Variants in BCAS3 observed in about 807,000 individuals in gnomAD.
BCAS3 encodes BCAS4/BCAS3 fusion.
BCAS3 carries 53 observed loss-of-function variants against 116.1 expected under a neutral mutation model. The observed-to-expected ratio is 0.46, with a 90% CI of 0.37 to 0.57. BCAS3 has a LOEUF of 0.57. BCAS3 is among the 20% of genes least tolerant of loss of function. BCAS3 has a pLI of 0.00. For missense variants in BCAS3, 917 were observed against 1,165.4 expected, an observed-to-expected ratio of 0.79 and a Z score of 3.10; for synonymous variants, 391 against 408.2, an observed-to-expected ratio of 0.96 and a Z score of 0.51.
chr17:61,329,076 A>G (rs1451621989), intron 22 of BCAS3, among the ~76,000 whole-genome samples: 1 of 148,704 alleles, frequency 6.7e-6, no homozygotes, highest in African/African-American at 2.5e-5. Flanking sequence ...TTGTATTTTT[A>G]GTAGAGATGG....
At chr17:61,011,950 A>C (rs2065139649) in intron 15 of BCAS3, among the ~76,000 whole-genome samples, 1 of 151,956 alleles carries the variant, frequency 6.6e-6, no homozygotes, top group African/African-American at 2.4e-5. Context: ...CTAACTTCTG[A>C]TGTTATTTAT....
Position 61,161,995 on chromosome 17 carries a change from A to G in BCAS3, c.2425+77431A>G, listed in dbSNP as rs1036215921. On this transcript the variant is annotated intron_variant, in intron 22 of 23. Transcript: ENST00000407086. This position sits in a 1 kb window ranked among gnomAD's most constrained non-coding sequence, Gnocchi z 4.8. ...GATTCCTTCTACTAAGAGATCCTAA[A>G]TTCGTGTTTAATAGCCAGCTAAATG... Among the ~76,000 whole-genome samples the G allele has an allele frequency of 9.9e-5, 15 of 152,172 alleles. No homozygotes were observed. The highest frequency in any genetic ancestry group is 1.6e-4 in the Non-Finnish European group (11 of 68,022).
intron 5 of BCAS3, among the ~76,000 whole-genome samples, chr17:60,731,234 GAC>G (rs907345590): frequency 4.6e-5 from 7 of 152,062 alleles, no homozygotes; most frequent in African/African-American, 1.4e-4. Context: ...TATTTATTGA[GAC>G]AAAGTCTTGC....
intron 22 of BCAS3, among the ~76,000 whole-genome samples, chr17:61,183,408 A>T (rs1323768700): frequency 6.6e-6 from 1 of 151,930 alleles, no homozygotes; most frequent in Non-Finnish European, 1.5e-5. Context: ...TTATTTAATT[A>T]TATTCAATGT....
chr17:60,868,830 T>G, intron 8 of BCAS3, 147 bp downstream of exon 8: 1 of 493,168 alleles, frequency 2.0e-6, no homozygotes, highest in South Asian at 3.6e-5. Flanking sequence ...GTGGAATAAC[T>G]CTAAGATTTC....
intron 13 of BCAS3, among the ~76,000 whole-genome samples, chr17:60,944,409 C>A (rs1169005735): frequency 6.6e-6 from 1 of 151,918 alleles, no homozygotes; most frequent in Non-Finnish European, 1.5e-5. Context: ...CAAAAATAGG[C>A]CCAAATATTT....
intron 7 of BCAS3, among the ~76,000 whole-genome samples, chr17:60,831,868 T>C (rs1323526490): frequency 6.6e-6 from 1 of 152,190 alleles, no homozygotes; most frequent in Non-Finnish European, 1.5e-5. Context: ...TAAAGTAATG[T>C]CATTTTTAAT....
intron 2 of BCAS3, among the ~76,000 whole-genome samples, chr17:60,681,958 A>G (rs1003854797): frequency 6.6e-6 from 1 of 151,542 alleles, no homozygotes; most frequent in Non-Finnish European, 1.5e-5. Context: ...TCAAACTCCC[A>G]ACCTCAGGTG....
At chr17:60,786,428 A>G (rs1489032812) in intron 6 of BCAS3, among the ~76,000 whole-genome samples, 2 of 151,996 alleles carry the variant, frequency 1.3e-5, no homozygotes, top group African/African-American at 2.4e-5. Context: ...AGGCTAAGGT[A>G]GGAGGATCGC....
chr17:60,917,250 T>C (rs1271326508), intron 12 of BCAS3, among the ~76,000 whole-genome samples: 1 of 152,210 alleles, frequency 6.6e-6, no homozygotes, highest in African/African-American at 2.4e-5. Context: ...ACAGGCACTA[T>C]CCCTTTCCAA....
intron 7 of BCAS3, among the ~76,000 whole-genome samples, chr17:60,831,033 G>A (rs576055458): frequency 6.6e-6 from 1 of 151,822 alleles, no homozygotes; most frequent in African/African-American, 2.4e-5. Context: ...CACCAGACTC[G>A]GCTAGACGGG....
In BCAS3 at chr17:61,376,836, T is replaced by C. The variant is rs2059362658; in HGVS notation, c.2593+8342T>C. 6.6e-6 allele frequency among the ~76,000 whole-genome samples: 1 copy of C among 152,202 alleles called. No individual in the cohort carries two copies. The highest frequency in any genetic ancestry group is 1.5e-5 in the Non-Finnish European group (1 of 68,030). On this transcript the variant is annotated intron_variant, in intron 23 of 23. Coordinates refer to ENST00000407086, the MANE Select transcript of BCAS3 (RefSeq NM_017679.5). This position sits in a 1 kb window ranked among gnomAD's most constrained non-coding sequence, Gnocchi z 4.5. ...AATTGGGCCCTGGAGTTTTCCTCCT[T>C]CTACAGCATCTACAAAAGTTCTCTC...
At position 61,315,077 on chromosome 17, in the gene BCAS3, C is replaced by T. The variant is rs1161870503; in HGVS notation, c.2426-53250C>T. ...CTCTCCCCAGCATTCCAGGGGCAGT[C>T]TCCTCCACACGCCACACTGCTCAGC... On this transcript the variant is annotated intron_variant, in intron 22 of 23. Coordinates refer to ENST00000407086, the MANE Select transcript of BCAS3 (RefSeq NM_017679.5). This position sits in a 1 kb window ranked among gnomAD's most constrained non-coding sequence, Gnocchi z 5.3. Among the ~76,000 whole-genome samples, 1 of 152,080 alleles carries T rather than the reference C, an allele frequency of 6.6e-6. No individual in the cohort carries two copies. The highest frequency in any genetic ancestry group is 1.5e-5 in the Non-Finnish European group (1 of 68,012).
At chr17:61,212,052 T>C (rs2081491453) in intron 22 of BCAS3, among the ~76,000 whole-genome samples, 1 of 152,224 alleles carries the variant, frequency 6.6e-6, no homozygotes, top group Non-Finnish European at 1.5e-5. Flanking sequence ...AAGCAGCTAA[T>C]GTTAGAAAGA....
rs1383270157 is a variant in BCAS3, at chr17:61,037,502, TGG to T, written c.1763-386_1763-385del. On this transcript the variant is annotated intron_variant, in intron 17 of 23. Coordinates refer to ENST00000407086, the MANE Select transcript of BCAS3 (RefSeq NM_017679.5). The surrounding 1 kb of genome is among the most constrained non-coding windows in gnomAD (Gnocchi z 4.7). ...AAAAATTCCTGTCGTCTGAGCATGG[TGG>T]CTCACGCCTTTAATCCCAGCACTTT... is the stretch of plus-strand genomic sequence containing the variant. 1.3e-5 allele frequency among the ~76,000 whole-genome samples: 2 copies of T among 152,248 alleles called. No homozygotes were observed. The highest frequency in any genetic ancestry group is 4.8e-5 in the African/African-American group (2 of 41,460).
intron 7 of BCAS3, among the ~76,000 whole-genome samples, chr17:60,829,313 T>C (rs945445122): frequency 6.6e-6 from 1 of 151,866 alleles, no homozygotes; most frequent in African/African-American, 2.4e-5. Flanking sequence ...GCCAACATGG[T>C]GAAACCCTCT....
rs2079985939 is a variant in BCAS3 at position 61,189,669 on chromosome 17, C to T, written c.2425+105105C>T. On this transcript the variant is annotated intron_variant, in intron 22 of 23. Coordinates refer to ENST00000407086, the MANE Select transcript of BCAS3 (RefSeq NM_017679.5). The surrounding 1 kb of genome is among the most constrained non-coding windows in gnomAD (Gnocchi z 4.5). Reference sequence around the variant, plus strand: ...AAAAATAGCTACAAGTAAAAATTGTCAGGCATGGTGACTGGATATCAGTCA... The same window carrying T: ...AAAAATAGCTACAAGTAAAAATTGTTAGGCATGGTGACTGGATATCAGTCA... Among the ~76,000 whole-genome samples, 1 of 152,124 alleles carries T rather than the reference C, an allele frequency of 6.6e-6. No homozygotes were observed. Among genetic ancestry groups the T allele is most frequent in the South Asian group, 2.1e-4 (1 of 4,828 alleles).
Position 61,029,690 on chromosome 17 carries a change from G to A in BCAS3, c.1638-4976G>A, listed in dbSNP as rs1358773573. ...GGTAGACAATGGGTAGTCCATATAA[G>A]TATATTTCTTCCTCATAAAATGTTT... On this transcript the variant is annotated intron_variant, in intron 16 of 23. Coordinates refer to ENST00000407086, the MANE Select transcript of BCAS3 (RefSeq NM_017679.5). The surrounding 1 kb of genome is among the most constrained non-coding windows in gnomAD (Gnocchi z 5.2). 1.3e-5 allele frequency among the ~76,000 whole-genome samples: 2 copies of A among 151,806 alleles called. No homozygotes were observed. The highest frequency in any genetic ancestry group is 2.4e-5 in the African/African-American group (1 of 41,380).
chr17:61,150,473 G>A (rs756581926), intron 22 of BCAS3, among the ~76,000 whole-genome samples: 3 of 152,164 alleles, frequency 2.0e-5, no homozygotes, highest in South Asian at 2.1e-4. Flanking sequence ...CACCACCCAC[G>A]TGCACTGAAA....
Sources: gnomAD v4.1 joint callset for allele counts (sites outside exome capture counted in the v4.1 genomes callset) on GRCh38, gnomAD v4.1.1 for gene constraint, Gnocchi (gnomAD v3.1) non-coding constraint, MANE v1.5 for transcripts, NCBI Gene and HGNC (gene_info 2026-07-23, HGNC 2026-07-21) for gene names.